CTBP2: variants seen among roughly 807,000 people sequenced by gnomAD.
The protein encoded by CTBP2 is C-terminal binding protein 2.
A neutral mutation model predicts 80.3 loss-of-function variants in CTBP2; 30 were observed. The ratio of observed to expected loss-of-function variants is 0.37; its 90% CI spans 0.28 to 0.51. CTBP2 has a LOEUF of 0.51. Among genes scored for constraint, CTBP2 ranks in the 20% least tolerant of loss-of-function variants. CTBP2 has a pLI of 0.93. For synonymous variants in CTBP2, 594 were observed against 587.4 expected, an observed-to-expected ratio of 1.01 and a Z score of -0.16; for missense variants, 1,212 against 1,375.3, an observed-to-expected ratio of 0.88 and a Z score of 1.88.
intron 2 of CTBP2, among the ~76,000 whole-genome samples, chr10:125,108,051 G>A (rs1315277794): frequency 6.6e-6 from 1 of 152,194 alleles, no homozygotes; most frequent in Non-Finnish European, 1.5e-5. Context: ...CTGAAGTGAT[G>A]GAGAACGAAG....
rs1236682564 is a variant in CTBP2 at position 125,066,630 on chromosome 10, G to T, written c.-101-27475C>A. Reference sequence around the variant, plus strand: ...GGTGGAGGAGGGTGACACCTGCACAGAAGCCAGGGAGCACAGTGCACCAAC... The same window carrying T: ...GGTGGAGGAGGGTGACACCTGCACATAAGCCAGGGAGCACAGTGCACCAAC... On this transcript the variant is annotated intron_variant, in intron 2 of 10. Coordinates refer to the CTBP2 transcript ENST00000337195. The surrounding 1 kb of genome is among the most constrained non-coding windows in gnomAD (Gnocchi z 4.1). Among the ~76,000 whole-genome samples the T allele has an allele frequency of 6.6e-6, 1 of 152,146 alleles. No individual in the cohort carries two copies. The highest frequency in any genetic ancestry group is 1.5e-5 in the Non-Finnish European group (1 of 68,030).
chr10:125,106,210 G>C (rs61869196), intron 2 of CTBP2, among the ~76,000 whole-genome samples: 1 of 149,884 alleles, frequency 6.7e-6, no homozygotes, highest in Non-Finnish European at 1.5e-5. Context: ...CCCCATGTGC[G>C]GCCCCACTTC....
intron 1 of CTBP2, among the ~76,000 whole-genome samples, chr10:125,150,501 C>CT (rs1859633587): frequency 6.6e-6 from 1 of 152,092 alleles, no homozygotes; most frequent in African/African-American, 2.4e-5. Flanking sequence ...CCAGACATTC[C>CT]CGTGTCCCAG....
exon 3 of CTBP2, chr10:125,039,119 C>T: frequency 7.0e-7 from 1 of 1,434,188 alleles, no homozygotes; most frequent in Non-Finnish European, 9.7e-7. Context: ...CTTAGGGGAA[C>T]TTGCAGGAGT....
Position 125,026,600 on chromosome 10 carries a change from C to CAGCGA in CTBP2, c.1159_1160insTCGCT (p.Gly387ValfsTer63). ...TGCTGTCTGCAGAGGAGCCGCAGCGCCCAGAGAAGCCAAGTCACCATGGAG... is the reference window on the plus strand; with the variant it reads ...TGCTGTCTGCAGAGGAGCCGCAGCGCAGCGACCAGAGAAGCCAAGTCACCATGGAG... On this transcript the variant is annotated frameshift_variant, in exon 1 of 9. Transcript: ENST00000309035. LOFTEE classifies it high-confidence loss of function. The CAGCGA allele has an allele frequency of 7.6e-7, 1 of 1,308,988 alleles. No homozygotes were observed. Among genetic ancestry groups the CAGCGA allele is most frequent in the Non-Finnish European group, 1.0e-6 (1 of 955,404 alleles). The allele number at this position is 1,308,988 out of a possible 1,614,324, so 81.1% of individuals were successfully genotyped here.
intron 1 of CTBP2, among the ~76,000 whole-genome samples, chr10:125,143,051 T>C (rs1858116325): frequency 1.3e-5 from 2 of 152,078 alleles, no homozygotes; most frequent in South Asian, 4.2e-4. Flanking sequence ...CCACCCCAGC[T>C]CGCGGAAATC....
intron 2 of CTBP2, among the ~76,000 whole-genome samples, chr10:125,082,553 G>A (rs1480154420): frequency 1.3e-5 from 2 of 150,800 alleles, no homozygotes; most frequent in Admixed American, 6.6e-5. Context: ...AGTCACGTTT[G>A]CACACTGTAT....
chr10:124,992,637 C>T, intron 8 of CTBP2, 58 bp downstream of exon 10: 1 of 1,326,134 alleles, frequency 7.5e-7, no homozygotes, highest in Non-Finnish European at 1.0e-6. Flanking sequence ...GGGCTTCTCT[C>T]CCTGGCCCCG....
In CTBP2 at chr10:125,159,955, TTTC is replaced by T. The variant is rs1861656312; in HGVS notation, c.-206+361_-206+363del. On this transcript the variant is annotated intron_variant, in intron 1 of 10. Transcript: ENST00000337195. The stretch of plus-strand genomic sequence containing the variant: ...CCTCCGGACGCCGCCGCGCTCGGGG[TTTC>T]TTTTTTTTTTTTTTTCAACCCTGAT... 5 of 140,988 alleles carry T rather than the reference TTTC, an allele frequency of 3.5e-5. No homozygotes were observed. In the South Asian group the frequency reaches 9.4e-4, roughly 26 times the overall value. 8.7% of individuals were successfully genotyped at this position (140,988 alleles called of 1,614,324 possible). A position where few individuals can be genotyped will look rare whatever the true frequency, so the allele number is the denominator to read the frequency against.
intron 1 of CTBP2, among the ~76,000 whole-genome samples, chr10:125,111,683 G>A (rs960740564): frequency 3.3e-5 from 5 of 152,158 alleles, no homozygotes; most frequent in Admixed American, 2.0e-4. Context: ...AATATGAACC[G>A]AGGTGATGCA....
chr10:125,064,339 C>T (rs1171223571), intron 2 of CTBP2, among the ~76,000 whole-genome samples: 4 of 152,162 alleles, frequency 2.6e-5, no homozygotes, highest in South Asian at 2.1e-4. Context: ...AGTTACCTTC[C>T]GGTTTCCATA....
intron 2 of CTBP2, among the ~76,000 whole-genome samples, chr10:125,060,355 A>G (rs1017576658): frequency 2.0e-5 from 3 of 152,238 alleles, no homozygotes; most frequent in African/African-American, 4.8e-5. Flanking sequence ...ATGTCATGAA[A>G]TAAGTCACTC....
intron 2 of CTBP2, among the ~76,000 whole-genome samples, chr10:125,081,100 A>G (rs1410450535): frequency 6.6e-6 from 1 of 152,222 alleles, no homozygotes; most frequent in Admixed American, 6.5e-5. Context: ...TGACAACAAC[A>G]GTGGGTCCTG....
chr10:124,992,734 T>C lies in CTBP2; in HGVS notation c.2738A>G (p.Gln913Arg). Residue 913 changes from glutamine (Q) to arginine (R), a missense_variant, in exon 8 of 9, where the codon CAG (glutamine) becomes CGG (arginine). By Grantham distance (43) the Gln-to-Arg change is conservative. Transcript: ENST00000309035. The stretch of plus-strand genomic sequence containing the variant: ...ATTGAGCTCAGGATGAATTGCTTGC[T>C]GGTCTATTACTGACCAAGGCGCTGA... 1 of 1,609,236 alleles carries C rather than the reference T, an allele frequency of 6.2e-7. No homozygotes were observed. The highest frequency in any genetic ancestry group is 8.5e-7 in the Non-Finnish European group (1 of 1,177,816).
At chr10:125,003,155 G>A (rs755930819) in intron 2 of CTBP2, 51 bp from the exon 5 acceptor site, 27 of 1,609,466 alleles carry the variant, frequency 1.7e-5, no homozygotes, top group Admixed American at 5.0e-5. Context: ...GCAGCCCACC[G>A]GCACCACTTG....
chr10:125,025,086 G>C (rs1243802299), intron 1 of CTBP2, among the ~76,000 whole-genome samples: 1 of 152,028 alleles, frequency 6.6e-6, no homozygotes. Flanking sequence ...AGCTGCTTCA[G>C]GGCTATTTTC....
intron 3 of CTBP2, among the ~76,000 whole-genome samples, chr10:125,037,547 G>A (rs149552534): frequency 6.6e-6 from 1 of 152,316 alleles, no homozygotes; most frequent in African/African-American, 2.4e-5. Context: ...ATGGGGCCTG[G>A]GCTCTTCAGT....
rs1281088415 is a variant in CTBP2, at chr10:124,988,007, G to C, written c.*1511C>G. ...AGGTTCACTTCCCTCCCTTGAACCA[G>C]GTCCAGGTCATTTTGCTTTGGGGTA... is the stretch of plus-strand genomic sequence containing the variant. On this transcript the variant is annotated 3_prime_UTR_variant, in exon 9 of 9. Transcript: ENST00000309035. 1 of 152,494 alleles carries C rather than the reference G, an allele frequency of 6.6e-6. No homozygotes were observed. Among genetic ancestry groups the C allele is most frequent in the Non-Finnish European group, 1.5e-5 (1 of 67,972 alleles). 9.4% of individuals were successfully genotyped at this position (152,494 alleles called of 1,614,324 possible). A position where few individuals can be genotyped will look rare whatever the true frequency, so the allele number is the denominator to read the frequency against.
chr10:125,141,251 GCTGGGCAC>G (rs1199265925), intron 1 of CTBP2, among the ~76,000 whole-genome samples: 1 of 152,186 alleles, frequency 6.6e-6, no homozygotes, highest in Non-Finnish European at 1.5e-5. Flanking sequence ...CATCTCCTCT[GCTGGGCAC>G]CTGGGCACAA....
Sources: allele counts gnomAD v4.1 joint callset (sites outside exome capture counted in the v4.1 genomes callset), GRCh38; gene constraint gnomAD v4.1.1; non-coding constraint Gnocchi (gnomAD v3.1); transcripts MANE v1.5; gene names NCBI Gene and HGNC (gene_info 2026-07-23, HGNC 2026-07-21).